The following GIGYF1 variants were observed in gnomAD, a reference collection of about 807,000 sequenced individuals.
The protein encoded by GIGYF1 is GRB10 interacting GYF protein 1.
GIGYF1 carries 84 observed loss-of-function variants against 147.1 expected under a neutral mutation model. The observed-to-expected ratio is 0.57, with a 90% CI of 0.48 to 0.68. The LOEUF is 0.68. Ranked by LOEUF, GIGYF1 falls within the 30% of genes least tolerant of loss-of-function variation. The pLI is 0.00. For synonymous variants in GIGYF1, 752 were observed against 589.5 expected (o/e 1.28, Z -3.99); for missense variants, 1,485 against 1,393.7 (o/e 1.07, Z -1.04).
rs2131363195 is a variant in GIGYF1, at chr7:100,681,191, C to T, written c.*528G>A. 1.3e-5 allele frequency: 2 copies of T among 152,840 alleles called. No homozygotes were observed. Among genetic ancestry groups the T allele is most frequent in the Middle Eastern group, 6.8e-3 (2 of 294 alleles). The allele number at this position is 152,840 out of a possible 1,614,324, so 9.5% of individuals were successfully genotyped here. ...GGCCTCCTGTGCAAACTGCTGGCCC[C>T]CAGCTTCCAGTTACCCCATGGCCCG... On this transcript the variant is annotated 3_prime_UTR_variant, in exon 27 of 27. Transcript: ENST00000678049.
Position 100,686,430 on chromosome 7 carries a change from C to T in GIGYF1, c.698G>A (p.Gly233Asp). ...GDRWRSASPD[G>D]GPRSAGWREH... ...CCGCCAGCCAGCAGAGCGGGGACCA[C>T]CATCTGCACAGGAAAAGTCAGGGAG... The change falls in exon 11 of 27, where the codon GGT becomes GAT. Residue 233 changes from glycine to aspartate, a missense_variant. Coordinates refer to ENST00000678049, the MANE Select transcript of GIGYF1 (RefSeq NM_001375765.1). 2 of 1,590,320 alleles carry T rather than the reference C, an allele frequency of 1.3e-6. No individual in the cohort carries two copies. Among genetic ancestry groups the T allele is most frequent in the Non-Finnish European group, 1.7e-6 (2 of 1,169,046 alleles).
At chr7:100,683,751 G>A (rs879045338) in intron 19 of GIGYF1, 67 bp downstream of exon 19, 1 of 1,555,992 alleles carries the variant, frequency 6.4e-7, no homozygotes, top group Admixed American at 1.7e-5. Context: ...TGGGGGTGGG[G>A]AGCAGACCCC....
At position 100,681,202 on chromosome 7, in the gene GIGYF1, T is replaced by C. The variant is rs1413566220; in HGVS notation, c.*517A>G. 1 of 152,712 alleles carries C rather than the reference T, an allele frequency of 6.5e-6. No homozygotes were observed. Among genetic ancestry groups the C allele is most frequent in the Non-Finnish European group, 1.5e-5 (1 of 68,106 alleles). 9.5% of individuals were successfully genotyped at this position (152,712 alleles called of 1,614,324 possible). On this transcript the variant is annotated 3_prime_UTR_variant, in exon 27 of 27. Coordinates refer to ENST00000678049, the MANE Select transcript of GIGYF1 (RefSeq NM_001375765.1). Reference sequence around the variant, plus strand: ...CAAACTGCTGGCCCCCAGCTTCCAGTTACCCCATGGCCCGCCTTCTGGGGG... The same window carrying C: ...CAAACTGCTGGCCCCCAGCTTCCAGCTACCCCATGGCCCGCCTTCTGGGGG...
At position 100,681,637 on chromosome 7, in the gene GIGYF1, G is replaced by A. The variant is rs1804779385; in HGVS notation, c.*82C>T. On this transcript the variant is annotated 3_prime_UTR_variant, in exon 27 of 27. Transcript: ENST00000678049. The stretch of plus-strand genomic sequence containing the variant: ...CCTGCCTCTTCCTGTGCTCTCTGCG[G>A]GGAGCCTGCAGGCTGGGACCCTCGG... The A allele has an allele frequency of 3.7e-6, 5 of 1,347,400 alleles. No individual in the cohort carries two copies. The highest frequency in any genetic ancestry group is 1.4e-5 in the South Asian group (1 of 69,248). The allele number at this position is 1,347,400 out of a possible 1,614,324, so 83.5% of individuals were successfully genotyped here. A position where few individuals can be genotyped will look rare whatever the true frequency, so the allele number is the denominator to read the frequency against.
Position 100,688,294 on chromosome 7 carries a change from C to T in GIGYF1, c.-56G>A. ...GGTGGGGAGGAGGGGACCTGGCGTT[C>T]ACTGTCCAAACACCTGTGGGGGAAC... On this transcript the variant is annotated 5_prime_UTR_variant, in exon 4 of 27. Transcript: ENST00000678049. 1 of 1,242,144 alleles carries T rather than the reference C, an allele frequency of 8.1e-7. No homozygotes were observed. The highest frequency in any genetic ancestry group is 1.2e-6 in the Non-Finnish European group (1 of 848,460). 76.9% of individuals were successfully genotyped at this position (1,242,144 alleles called of 1,614,324 possible).
chr7:100,682,244 T>A lies in GIGYF1; in HGVS notation c.2762-9A>T. 6.2e-7 allele frequency: 1 copy of A among 1,610,136 alleles called. No individual in the cohort carries two copies. The highest frequency in any genetic ancestry group is 8.5e-7 in the Non-Finnish European group (1 of 1,179,118). On this transcript the variant is annotated splice_polypyrimidine_tract_variant and intron_variant, in intron 24 of 26. Coordinates refer to ENST00000678049, the MANE Select transcript of GIGYF1 (RefSeq NM_001375765.1). ...CGCTACAGCCATGGGCACTGCAGGA[T>A]GAGCGAAGGCTGTCAGGGCCCCCTG...
chr7:100,684,156 G>A lies in GIGYF1; in HGVS notation c.1732C>T (p.Arg578Cys), dbSNP rs766874506. The change falls in exon 18 of 27, where the codon CGC (arginine) becomes TGC (cysteine). Residue 578 changes from arginine to cysteine, a missense_variant and splice_region_variant. Arg to Cys is a radical substitution (Grantham distance 180). Transcript: ENST00000678049. ...HQQFLQLVSSRQLPQCALREK... is the reference protein window; with the variant it reads ...HQQFLQLVSSCQLPQCALREK... ...CGGAGCGCGCACTGTGGGAGCTGGC[G>A]GCTGCAAATGGGACAGTGGAGATGG... is the stretch of plus-strand genomic sequence containing the variant. 2.2e-5 allele frequency: 35 copies of A among 1,608,764 alleles called. No individual in the cohort carries two copies. In the African/African-American group the frequency reaches 3.7e-4, roughly 17 times the overall value.
chr7:100,682,691 GC>G lies in GIGYF1; in HGVS notation c.2498del (p.Gly833AlafsTer25), dbSNP rs776212530. ...CCCAGAGCCCCAGGCCGCTGCTGCC[GC>G]CCCCACTCTTGTCTGGCCCGCCCCA... The part of the protein sequence containing the change: ...PLWGGPDKSG[G>X]GSSGLGLWED... On this transcript the variant is annotated frameshift_variant, in exon 23 of 27. Transcript: ENST00000678049. LOFTEE classifies it high-confidence loss of function. 6.3e-7 allele frequency: 1 copy of G among 1,598,726 alleles called. No homozygotes were observed. The highest frequency in any genetic ancestry group is 8.5e-7 in the Non-Finnish European group (1 of 1,173,300).
rs1804659158 is a variant in GIGYF1, at chr7:100,680,676, GCCACCCACT to G, written c.*1034_*1042del. 6.6e-6 allele frequency: 1 copy of G among 152,612 alleles called. No individual in the cohort carries two copies. The highest frequency in any genetic ancestry group is 6.5e-5 in the Admixed American group (1 of 15,270). 9.5% of individuals were successfully genotyped at this position (152,612 alleles called of 1,614,324 possible). ...CCTCTACTGCAACCCTAAGCCCAAA[GCCACCCACT>G]CCTTGCCTTTGAGGCCCCTCCTCCT... On this transcript the variant is annotated 3_prime_UTR_variant, in exon 27 of 27. Coordinates refer to ENST00000678049, the MANE Select transcript of GIGYF1 (RefSeq NM_001375765.1).
chr7:100,685,701 A>C lies in GIGYF1; in HGVS notation c.1055-220T>G, dbSNP rs372775591. Among the ~76,000 whole-genome samples, 53 of 152,214 alleles carry C rather than the reference A, an allele frequency of 3.5e-4. No individual in the cohort carries two copies. The highest frequency in any genetic ancestry group is 5.3e-4 in the African/African-American group (22 of 41,512). Reference sequence around the variant, plus strand: ...CAGGAACATATCACAACATCGCACAACACCACACAACACCGCAGACGTCAC... The same window carrying C: ...CAGGAACATATCACAACATCGCACACCACCACACAACACCGCAGACGTCAC... On this transcript the variant is annotated intron_variant, in intron 12 of 26. Coordinates refer to ENST00000678049, the MANE Select transcript of GIGYF1 (RefSeq NM_001375765.1).
chr7:100,693,631 G>A (rs1050809055), intron 1 of GIGYF1, among the ~76,000 whole-genome samples: 1 of 152,172 alleles, frequency 6.6e-6, no homozygotes, highest in Admixed American at 6.5e-5. Flanking sequence ...GCGCGCTGGG[G>A]AGAACTCCGG....
intron 22 of GIGYF1, 33 bp downstream of exon 22, chr7:100,682,979 A>AG (rs1804932970): frequency 2.8e-6 from 4 of 1,449,386 alleles, no homozygotes; most frequent in Non-Finnish European, 3.7e-6. Context: ...TGGAAACTGT[A>AG]GGGGGAGCCC....
chr7:100,681,390 T>A lies in GIGYF1; in HGVS notation c.*329A>T. ...AAAAAAAAACCAAAAAACAAAAACC[T>A]CTGTGGACCTTCCATTGTCACACCC... On this transcript the variant is annotated 3_prime_UTR_variant, in exon 27 of 27. Coordinates refer to ENST00000678049, the MANE Select transcript of GIGYF1 (RefSeq NM_001375765.1). The A allele has an allele frequency of 9.2e-6, 2 of 217,470 alleles. No homozygotes were observed. The highest frequency in any genetic ancestry group is 6.0e-5 in the Admixed American group (1 of 16,752). 13.5% of individuals were successfully genotyped at this position (217,470 alleles called of 1,614,324 possible).
In GIGYF1 at chr7:100,683,683, C is replaced by T. The variant is rs768454852; in HGVS notation, c.1970-51G>A. On this transcript the variant is annotated intron_variant, in intron 19 of 26. Coordinates refer to ENST00000678049, the MANE Select transcript of GIGYF1 (RefSeq NM_001375765.1). ...GGCTGCAGGTGGGCACTTGGGCCCA[C>T]TGATCTAGTCCAGCCGCAGCAGTGG... 6 of 1,579,640 alleles carry T rather than the reference C, an allele frequency of 3.8e-6. No homozygotes were observed. In the East Asian group the frequency reaches 1.3e-4, roughly 35 times the overall value.
chr7:100,684,401 C>G, intron 16 of GIGYF1, 49 bp downstream of exon 16: 1 of 1,605,534 alleles, frequency 6.2e-7, no homozygotes, highest in Non-Finnish European at 8.5e-7. Flanking sequence ...TGGACTCCTG[C>G]CGGCACCCCT....
At chr7:100,682,896 A>G (rs1804923616) in intron 22 of GIGYF1, 116 bp downstream of exon 22, 1 of 1,270,392 alleles carries the variant, frequency 7.9e-7, no homozygotes, top group Non-Finnish European at 1.1e-6. Flanking sequence ...AGCTGTTGCC[A>G]TCACAGGAGA....
At chr7:100,690,948 G>C (rs543473622) in intron 1 of GIGYF1, among the ~76,000 whole-genome samples, 3 of 152,016 alleles carry the variant, frequency 2.0e-5, no homozygotes, top group Non-Finnish European at 4.4e-5. Flanking sequence ...ACTGAGGACA[G>C]CGACACCAAG....
Position 100,684,549 on chromosome 7 carries a change from C to T in GIGYF1, c.1530G>A (p.Val510=), listed in dbSNP as rs1276600964. 6.2e-7 allele frequency: 1 copy of T among 1,614,142 alleles called. No individual in the cohort carries two copies. The highest frequency in any genetic ancestry group is 8.5e-7 in the Non-Finnish European group (1 of 1,180,034). The change falls in exon 16 of 27, where the codon GTG becomes GTA. Residue 510 remains valine (V), a synonymous_variant. Coordinates refer to ENST00000678049, the MANE Select transcript of GIGYF1 (RefSeq NM_001375765.1). The stretch of plus-strand genomic sequence containing the variant: ...GGAAGCCCTCATCGCAGCCCCGCTT[C>T]ACCAGCAGTGACATGGAAAAGTAGC... ...QAGYFSMSLL[V]KRGCDEGFQP... is the part of the protein sequence containing the mutation.
At position 100,681,711 on chromosome 7, in the gene GIGYF1, C is replaced by T. The variant is rs536816759; in HGVS notation, c.*8G>A. The stretch of plus-strand genomic sequence containing the variant: ...GCCTACAGCCCAGGGGCTGGGGGTC[C>T]GGGCTGGTCAGTAGTCATCCACGCT... On this transcript the variant is annotated 3_prime_UTR_variant, in exon 27 of 27. Transcript: ENST00000678049. 77 of 1,550,730 alleles carry T rather than the reference C, an allele frequency of 5.0e-5. No homozygotes were observed. In the Admixed American group the frequency reaches 5.6e-4, roughly 11 times the overall value.
Sources: allele counts gnomAD v4.1 joint callset (sites outside exome capture counted in the v4.1 genomes callset), GRCh38; gene constraint gnomAD v4.1.1; transcripts MANE v1.5; gene names NCBI Gene and HGNC (gene_info 2026-07-23, HGNC 2026-07-21).